TIAM2: variants seen among roughly 807,000 people sequenced by gnomAD.
The protein encoded by TIAM2 is TIAM Rac1 associated GEF 2.
A neutral mutation model predicts 152.9 loss-of-function variants in TIAM2; 80 were observed. That is an observed-to-expected ratio of 0.52 (90% confidence interval 0.44 to 0.63). TIAM2 has a LOEUF of 0.63. Among genes scored for constraint, TIAM2 ranks in the 30% least tolerant of loss-of-function variants. TIAM2 has a pLI of 0.00. For synonymous variants in TIAM2, 804 were observed against 838.0 expected (o/e 0.96, Z 0.70); for missense variants, 1,965 against 2,120.1 (o/e 0.93, Z 1.44).
intron 21 of TIAM2, chr6:155,250,613 C>T: frequency 6.5e-7 from 1 of 1,535,986 alleles, no homozygotes; most frequent in South Asian, 1.2e-5. Context: ...TCTGGAAGAA[C>T]CACGGACACT....
chr6:155,183,177 G>A, intron 13 of TIAM2, 60 bp from the exon 14 acceptor site: 4 of 1,566,976 alleles, frequency 2.6e-6, no homozygotes, highest in South Asian at 1.2e-5. Flanking sequence ...TCTTTCATCT[G>A]AAAATATTTC....
chr6:155,175,679 T>G (rs1021237656), intron 9 of TIAM2, among the ~76,000 whole-genome samples: 1 of 152,232 alleles, frequency 6.6e-6, no homozygotes, highest in African/African-American at 2.4e-5. Flanking sequence ...CCCCAAATCT[T>G]TTCTTTACTG....
At chr6:155,190,876 T>C (rs1781183812) in intron 14 of TIAM2, among the ~76,000 whole-genome samples, 1 of 152,216 alleles carries the variant, frequency 6.6e-6, no homozygotes, top group Admixed American at 6.5e-5. Context: ...GTCGGTGTTA[T>C]GAGTACTGGC....
Position 155,214,590 on chromosome 6 carries a change from C to T in TIAM2, c.3168+3283C>T, listed in dbSNP as rs1041889873. On this transcript the variant is annotated intron_variant, in intron 15 of 26. Transcript: ENST00000682666. The surrounding 1 kb of genome is among the most constrained non-coding windows in gnomAD (Gnocchi z 5.4). ...TGCAAAGCAAATGCTCAGCTGCCTTCGCTGGCCTGGTTATGTCCCAGGATG... is the reference window on the plus strand; with the variant it reads ...TGCAAAGCAAATGCTCAGCTGCCTTTGCTGGCCTGGTTATGTCCCAGGATG... Among the ~76,000 whole-genome samples the T allele has an allele frequency of 6.6e-5, 10 of 152,178 alleles. No homozygotes were observed. The highest frequency in any genetic ancestry group is 2.4e-4 in the African/African-American group (10 of 41,448).
intron 2 of TIAM2, among the ~76,000 whole-genome samples, chr6:155,100,119 T>A (rs1402519688): frequency 6.6e-6 from 1 of 152,248 alleles, no homozygotes; most frequent in Non-Finnish European, 1.5e-5. Flanking sequence ...GTGGGTTCTC[T>A]TCATCAGCAT....
chr6:155,048,932 C>T (rs1220654128), intron 1 of TIAM2, among the ~76,000 whole-genome samples: 2 of 151,968 alleles, frequency 1.3e-5, no homozygotes, highest in Non-Finnish European at 2.9e-5. Context: ...TCCTGAGTAG[C>T]TGGGACTATA....
chr6:155,022,309 CTG>C (rs1776515120), intron 1 of TIAM2: 1 of 152,196 alleles, frequency 6.6e-6, no homozygotes, highest in African/African-American at 2.4e-5. Context: ...GTGTGCCTGA[CTG>C]TTTTTTCTTT....
At chr6:155,154,442 T>G (rs922602688) in intron 7 of TIAM2, among the ~76,000 whole-genome samples, 2 of 152,174 alleles carry the variant, frequency 1.3e-5, no homozygotes, top group African/African-American at 4.8e-5. Context: ...CTGGGCCTCT[T>G]GGGTGTTTCT....
At chr6:155,202,028 A>G (rs922242197) in intron 14 of TIAM2, among the ~76,000 whole-genome samples, 10 of 64,686 alleles carry the variant, frequency 1.5e-4, no homozygotes, top group Admixed American at 3.5e-4. Flanking sequence ...GACATGAGTC[A>G]TAACAATAAA....
intron 1 of TIAM2, among the ~76,000 whole-genome samples, chr6:155,088,052 C>CTT (rs113372173): frequency 1.4e-3 from 171 of 119,004 alleles, no homozygotes; most frequent in African/African-American, 4.7e-3. Flanking sequence ...TTCTTTCTTT[C>CTT]TTTTTTTTTT....
intron 5 of TIAM2, among the ~76,000 whole-genome samples, chr6:155,141,205 T>G (rs1283001260): frequency 6.6e-6 from 1 of 152,034 alleles, no homozygotes; most frequent in African/African-American, 2.4e-5. Flanking sequence ...CTTCCTTTCC[T>G]TTGCAGCCAA....
At chr6:155,035,528 G>A (rs1038703447) in intron 1 of TIAM2, among the ~76,000 whole-genome samples, 1 of 152,118 alleles carries the variant, frequency 6.6e-6, no homozygotes, top group African/African-American at 2.4e-5. Flanking sequence ...TTTCCTGTTA[G>A]TTCACGAGAC....
At chr6:154,996,778 T>C (rs1210769855) in intron 1 of TIAM2, among the ~76,000 whole-genome samples, 1 of 152,220 alleles carries the variant, frequency 6.6e-6, no homozygotes, top group African/African-American at 2.4e-5. Context: ...TTTAAAAATA[T>C]AGTATCATGA....
intron 14 of TIAM2, among the ~76,000 whole-genome samples, chr6:155,194,989 C>T (rs9480083): frequency 0.47 from 71,935 of 152,048 alleles, 18,133 homozygotes; most frequent in African/African-American, 0.59. Context: ...TGTTTGCGTC[C>T]CCTTCCACCA....
In TIAM2 at chr6:155,244,044, C is replaced by T. The variant is rs765467526; in HGVS notation, c.3382C>T (p.Pro1128Ser). Residue 1128 changes from proline to serine, a missense_variant, in exon 17 of 27, where the codon CCA becomes TCA. Physicochemically the swap from Pro to Ser is moderately conservative, Grantham distance 74 (BLOSUM62 -1). Coordinates refer to ENST00000682666, the MANE Select transcript of TIAM2 (RefSeq NM_012454.4). ...LSCLFELYLE[P>S]LQNETFLTQD... Reference sequence around the variant, plus strand: ...CTGCCTCTTTGAATTATACTTGGAGCCACTTCAGAATGAGACCTTTCTTAC... The same window carrying T: ...CTGCCTCTTTGAATTATACTTGGAGTCACTTCAGAATGAGACCTTTCTTAC... 2.0e-5 allele frequency: 33 copies of T among 1,613,926 alleles called. No individual in the cohort carries two copies. Among genetic ancestry groups the T allele is most frequent in the Non-Finnish European group, 2.7e-5 (32 of 1,180,008 alleles).
chr6:154,997,120 C>A (rs181562157), intron 1 of TIAM2, among the ~76,000 whole-genome samples: 193 of 152,306 alleles, frequency 1.3e-3, no homozygotes, highest in African/African-American at 4.4e-3. Context: ...ACACACCAAG[C>A]TACTCAGAAG....
chr6:155,240,410 C>T, intron 15 of TIAM2, 120 bp from the exon 16 acceptor site: 3 of 1,090,412 alleles, frequency 2.8e-6, no homozygotes, highest in African/African-American at 1.6e-5. Flanking sequence ...CTTTGCCCTA[C>T]ACAGAGGCCC....
chr6:155,158,560 C>CT (rs796728309), intron 7 of TIAM2, among the ~76,000 whole-genome samples: 327 of 145,696 alleles, frequency 2.2e-3, no homozygotes, highest in African/African-American at 6.4e-3. Context: ...ATGTTTTTTA[C>CT]TTTTTTTTTT....
intron 2 of TIAM2, among the ~76,000 whole-genome samples, chr6:155,106,347 T>G (rs1284144543): frequency 1.3e-5 from 2 of 152,112 alleles, no homozygotes. Context: ...CATCAAAGGA[T>G]ATAGCAAGAC....
Sources: allele counts gnomAD v4.1 joint callset (sites outside exome capture counted in the v4.1 genomes callset), GRCh38; gene constraint gnomAD v4.1.1; non-coding constraint Gnocchi (gnomAD v3.1); transcripts MANE v1.5; gene names NCBI Gene and HGNC (gene_info 2026-07-23, HGNC 2026-07-21).